APOL3: variants seen among roughly 807,000 people sequenced by gnomAD.
APOL3 encodes apolipoprotein L3, also known as TNF-inducible protein CG12-1.
A neutral mutation model predicts 11.6 loss-of-function variants in APOL3; 14 were observed. The observed-to-expected ratio is 1.21, with a 90% CI of 0.80 to 1.89. APOL3 has a LOEUF of 1.89. APOL3 is among the 40% of genes most tolerant of loss of function. The probability of loss-of-function intolerance (pLI) is 0.00; values close to 1 mark genes in which losing one functional copy is unlikely to be tolerated. For synonymous variants in APOL3, 192 were observed against 190.6 expected, an observed-to-expected ratio of 1.01 and a Z score of -0.06; for missense variants, 483 against 492.1, an observed-to-expected ratio of 0.98 and a Z score of 0.17.
At chr22:36,154,344 A>C (rs1294787522) in intron 1 of APOL3, 1 of 272,934 alleles carries the variant, frequency 3.7e-6, no homozygotes, top group Non-Finnish European at 7.2e-6. Context: ...TACTTGGTCC[A>C]AGATGAATCT....
chr22:36,158,550 T>A (rs1374503495), intron 1 of APOL3, among the ~76,000 whole-genome samples: 1 of 152,190 alleles, frequency 6.6e-6, no homozygotes, highest in Non-Finnish European at 1.5e-5. Context: ...CCTGGCACGG[T>A]GGCTCATGCC....
At chr22:36,149,434 TAC>T in intron 1 of APOL3, 1 of 1,273,438 alleles carries the variant, frequency 7.9e-7, no homozygotes, top group Admixed American at 2.3e-5. Context: ...TCACAGAAAC[TAC>T]AGAGTCTATA....
intron 1 of APOL3, among the ~76,000 whole-genome samples, chr22:36,156,330 C>T (rs1053645575): frequency 3.3e-5 from 5 of 152,090 alleles, no homozygotes; most frequent in Non-Finnish European, 5.9e-5. Flanking sequence ...CTCCTGGGTT[C>T]GAGGGATCCT....
intron 1 of APOL3, chr22:36,146,282 C>T (rs2146779063): frequency 6.6e-6 from 1 of 151,948 alleles, no homozygotes. Context: ...CGATCTATTT[C>T]AGCTGAGAAT....
intron 1 of APOL3, 122 bp downstream of exon 2, chr22:36,148,924 G>T: frequency 1.0e-6 from 1 of 976,254 alleles, no homozygotes; most frequent in Non-Finnish European, 1.5e-6. Flanking sequence ...GGGGCTCAGG[G>T]AAGACTCATC....
At chr22:36,153,222 T>C in intron 1 of APOL3, 1 of 329,130 alleles carries the variant, frequency 3.0e-6, no homozygotes, top group South Asian at 2.5e-5. Context: ...ATACACTTAT[T>C]AATTGATTTT....
At chr22:36,145,573 T>A (rs1279500075) in exon 2 of APOL3, 35 of 1,613,876 alleles carry the variant, frequency 2.2e-5, no homozygotes, top group Non-Finnish European at 2.9e-5. Flanking sequence ...AAGTATTTGG[T>A]GGCCTCTTCA....
chr22:36,142,385 G>A (rs957319506), intron 2 of APOL3, among the ~76,000 whole-genome samples: 1 of 152,178 alleles, frequency 6.6e-6, no homozygotes, highest in Non-Finnish European at 1.5e-5. Flanking sequence ...GTGGAGAGGG[G>A]AAATTTTGTA....
intron 1 of APOL3, among the ~76,000 whole-genome samples, chr22:36,158,257 G>A (rs1001032054): frequency 2.0e-5 from 3 of 152,142 alleles, no homozygotes; most frequent in African/African-American, 4.8e-5. Flanking sequence ...AGGTAAAGGT[G>A]GCACAAGCCC....
intron 1 of APOL3, among the ~76,000 whole-genome samples, chr22:36,149,564 A>C (rs567458650): frequency 1.3e-5 from 2 of 152,312 alleles, no homozygotes; most frequent in South Asian, 2.1e-4. Flanking sequence ...AGGGCTCCTC[A>C]TATGTGCCTC....
intron 1 of APOL3, 151 bp downstream of exon 2, chr22:36,148,895 A>T: frequency 1.4e-6 from 1 of 700,358 alleles, no homozygotes; most frequent in Middle Eastern, 5.4e-4. Flanking sequence ...GGGTCGGGGG[A>T]CTCCATGTGG....
At chr22:36,156,620 T>A in intron 1 of APOL3, 1 of 216,154 alleles carries the variant, frequency 4.6e-6, no homozygotes, top group South Asian at 6.9e-5. Context: ...TTGGAATGCC[T>A]CCCCCACCTT....
In APOL3 at chr22:36,145,455, T is replaced by C; in HGVS notation, c.350+18A>G. The C allele has an allele frequency of 6.2e-7, 1 of 1,612,786 alleles. No individual in the cohort carries two copies. The highest frequency in any genetic ancestry group is 8.5e-7 in the Non-Finnish European group (1 of 1,179,396). On this transcript the variant is annotated intron_variant, in intron 2 of 2. Coordinates refer to ENST00000349314, the Ensembl canonical transcript of APOL3. ...GCATAGCCGGGGCGCCCCATGGAGG[T>C]AACCCCACGGAGGTTACCTGGGCAA...
At chr22:36,154,533 A>T in intron 1 of APOL3, 1 of 447,288 alleles carries the variant, frequency 2.2e-6, no homozygotes, top group Admixed American at 2.8e-5. Context: ...CCTTCTATTT[A>T]TTTATGTTCC....
At chr22:36,149,236 T>A in intron 1 of APOL3, 94 bp from the exon 2 acceptor site, 2 of 1,306,476 alleles carry the variant, frequency 1.5e-6, no homozygotes, top group Non-Finnish European at 2.0e-6. Context: ...TCCCTTTGCG[T>A]GTCAGCAAAT....
intron 1 of APOL3, among the ~76,000 whole-genome samples, chr22:36,148,678 G>A (rs1223301799): frequency 2.0e-5 from 3 of 152,156 alleles, no homozygotes; most frequent in Non-Finnish European, 2.9e-5. Flanking sequence ...GTCAGAGGTC[G>A]GGACTGCTGG....
At chr22:36,163,849 A>C (rs1005338469), upstream of APOL3, among the ~76,000 whole-genome samples, 2 of 152,250 alleles carry the variant, frequency 1.3e-5, no homozygotes, top group Admixed American at 6.5e-5. Flanking sequence ...ACAGACAAAT[A>C]CACTTGTGAG....
chr22:36,144,633 C>G lies in APOL3; in HGVS notation c.350+840G>C, dbSNP rs542852896. 2.6e-5 allele frequency among the ~76,000 whole-genome samples: 4 copies of G among 152,292 alleles called. 1 individual carries two copies. The East Asian group carries it at 7.7e-4, about 29-fold the overall frequency. ...AGAGGTGGAAGAAAAGGGCCCCGGA[C>G]AGCATCTCCAGGAACACACATTGAT... On this transcript the variant is annotated intron_variant, in intron 2 of 2. Coordinates refer to ENST00000349314, the Ensembl canonical transcript of APOL3.
upstream of APOL3, chr22:36,165,809 GATTA>G (rs1385530319): frequency 2.0e-5 from 3 of 152,204 alleles, no homozygotes; most frequent in Non-Finnish European, 4.4e-5. Context: ...GAAGTAGCCA[GATTA>G]ATTGTCACCG....
Sources: allele counts gnomAD v4.1 joint callset (sites outside exome capture counted in the v4.1 genomes callset), GRCh38; gene constraint gnomAD v4.1.1; transcripts MANE v1.5; gene names NCBI Gene and HGNC (gene_info 2026-07-23, HGNC 2026-07-21).